TRPC6: variants seen among roughly 807,000 people sequenced by gnomAD.
The protein encoded by TRPC6 is transient receptor potential cation channel subfamily C member 6.
TRPC6 carries 55 observed loss-of-function variants against 90.7 expected under a neutral mutation model. The observed-to-expected ratio is 0.61, with a 90% CI of 0.49 to 0.76. TRPC6 has a LOEUF of 0.76. Among genes scored for constraint, TRPC6 ranks in the 30% least tolerant of loss-of-function variants. The pLI is 0.00. For missense variants in TRPC6, 989 were observed against 1,122.7 expected, an observed-to-expected ratio of 0.88 and a Z score of 1.70; for synonymous variants, 393 against 393.0, an observed-to-expected ratio of 1.00 and a Z score of 0.00.
chr11:101,500,887 A>T (rs1165737671), intron 2 of TRPC6, among the ~76,000 whole-genome samples: 2 of 152,194 alleles, frequency 1.3e-5, no homozygotes, highest in Non-Finnish European at 2.9e-5. Flanking sequence ...AAATCATTAC[A>T]GCATTTAGAG....
intron 1 of TRPC6, among the ~76,000 whole-genome samples, chr11:101,542,144 G>A (rs11224829): frequency 0.11 from 16,357 of 152,176 alleles, 1,640 homozygotes; most frequent in East Asian, 0.54. Context: ...TATTTATTGT[G>A]TCTTGATCTA....
At chr11:101,556,596 A>T (rs1266797835) in intron 1 of TRPC6, among the ~76,000 whole-genome samples, 4 of 152,198 alleles carry the variant, frequency 2.6e-5, no homozygotes, top group Non-Finnish European at 5.9e-5. Flanking sequence ...GAAAAGCCTG[A>T]TGGCTTCACA....
chr11:101,575,041 A>T (rs1862041931), intron 1 of TRPC6, among the ~76,000 whole-genome samples: 1 of 152,150 alleles, frequency 6.6e-6, no homozygotes, highest in African/African-American at 2.4e-5. Flanking sequence ...GACTATCCAC[A>T]CTGTAATTGA....
At chr11:101,530,466 G>T (rs1860885977) in intron 1 of TRPC6, among the ~76,000 whole-genome samples, 1 of 152,032 alleles carries the variant, frequency 6.6e-6, no homozygotes, top group Non-Finnish European at 1.5e-5. Flanking sequence ...ATGAGGCTGG[G>T]CTGTAGACCC....
chr11:101,541,439 G>A (rs1043032294), intron 1 of TRPC6, among the ~76,000 whole-genome samples: 2 of 152,156 alleles, frequency 1.3e-5, no homozygotes, highest in Non-Finnish European at 2.9e-5. Flanking sequence ...TCGGCTCACT[G>A]CAACCTCCAC....
chr11:101,559,761 T>G, intron 1 of TRPC6, among the ~76,000 whole-genome samples: 2 of 150,474 alleles, frequency 1.3e-5, no homozygotes, highest in Admixed American at 6.6e-5. Flanking sequence ...ATTAGGTATA[T>G]CTCCTAATGC....
At chr11:101,482,283 A>G (rs1335564474) in intron 5 of TRPC6, among the ~76,000 whole-genome samples, 1 of 152,142 alleles carries the variant, frequency 6.6e-6, no homozygotes, top group Non-Finnish European at 1.5e-5. Flanking sequence ...ATTTATTCAT[A>G]AATATCTAAT....
chr11:101,458,326 G>T (rs1316819877), intron 10 of TRPC6, among the ~76,000 whole-genome samples: 1 of 152,024 alleles, frequency 6.6e-6, no homozygotes, highest in Non-Finnish European at 1.5e-5. Context: ...AGTCCTTCAG[G>T]GAATGAAATA....
chr11:101,550,401 A>C (rs868678708), intron 1 of TRPC6, among the ~76,000 whole-genome samples: 7 of 151,812 alleles, frequency 4.6e-5, no homozygotes, highest in East Asian at 1.9e-4. Flanking sequence ...AACATAACTG[A>C]GAGAAATATA....
rs138155461 is a variant in TRPC6 at position 101,488,970 on chromosome 11, C to T, written c.1260G>A (p.Leu420=). 224 of 1,614,100 alleles carry T rather than the reference C, an allele frequency of 1.4e-4. No homozygotes were observed. In the African/African-American group the frequency reaches 2.8e-3, roughly 20 times the overall value. Reference sequence around the variant, plus strand: ...ATGGAGCAAACCAGTAAATGAGAGCCAGGAAGGGCAGTCCAATGGCAACAG... The same window carrying T: ...ATGGAGCAAACCAGTAAATGAGAGCTAGGAAGGGCAGTCCAATGGCAACAG... ...VLAVAIGLPF[L]ALIYWFAPCS... The change falls in exon 4 of 13, where the codon CTG becomes CTA. Residue 420 remains leucine (L), a synonymous_variant. Transcript: ENST00000344327.
At chr11:101,494,491 C>T (rs1420936205) in intron 2 of TRPC6, among the ~76,000 whole-genome samples, 2 of 152,124 alleles carry the variant, frequency 1.3e-5, no homozygotes, top group Non-Finnish European at 2.9e-5. Context: ...CATCTCTTGA[C>T]ATTAAAAAAA....
chr11:101,576,475 G>A (rs549915732), intron 1 of TRPC6, among the ~76,000 whole-genome samples: 19 of 152,250 alleles, frequency 1.2e-4, no homozygotes, highest in African/African-American at 4.6e-4. Context: ...GATTCTATAA[G>A]AACTGTGATT....
At chr11:101,482,826 T>A in intron 5 of TRPC6, 123 bp downstream of exon 5, 1 of 1,025,106 alleles carries the variant, frequency 9.8e-7, no homozygotes, top group South Asian at 1.3e-5. Flanking sequence ...AAGAAAATTA[T>A]GATGTGTGGT....
intron 4 of TRPC6, among the ~76,000 whole-genome samples, chr11:101,483,942 G>A (rs1316103644): frequency 6.6e-6 from 1 of 152,102 alleles, no homozygotes; most frequent in Non-Finnish European, 1.5e-5. Flanking sequence ...TCTTCACCTA[G>A]GCAGAGTGAG....
At chr11:101,461,433 G>A (rs958119776) in intron 10 of TRPC6, among the ~76,000 whole-genome samples, 17 of 152,180 alleles carry the variant, frequency 1.1e-4, no homozygotes, top group African/African-American at 3.1e-4. Flanking sequence ...TTAGCCAGGC[G>A]TGGTGGTGCT....
At chr11:101,521,675 C>T (rs1033958056) in intron 1 of TRPC6, among the ~76,000 whole-genome samples, 1 of 152,248 alleles carries the variant, frequency 6.6e-6, no homozygotes, top group African/African-American at 2.4e-5. Context: ...CACTCAACAC[C>T]AGCCCTTGAG....
intron 1 of TRPC6, among the ~76,000 whole-genome samples, chr11:101,532,719 G>T (rs1421515799): frequency 1.3e-5 from 2 of 152,112 alleles, no homozygotes; most frequent in African/African-American, 4.8e-5. Flanking sequence ...CTTTGAGGAG[G>T]AGAAAGAATT....
intron 1 of TRPC6, among the ~76,000 whole-genome samples, chr11:101,513,896 A>C (rs1385863164): frequency 1.3e-5 from 2 of 152,090 alleles, no homozygotes; most frequent in Non-Finnish European, 2.9e-5. Context: ...AATGGTGCTG[A>C]AGAAAGACTT....
At chr11:101,510,075 T>C (rs1159827800) in intron 1 of TRPC6, among the ~76,000 whole-genome samples, 1 of 152,160 alleles carries the variant, frequency 6.6e-6, no homozygotes, top group African/African-American at 2.4e-5. Context: ...TTGTATGTTG[T>C]TGACAGAACA....
Sources: allele counts gnomAD v4.1 joint callset (sites outside exome capture counted in the v4.1 genomes callset), GRCh38; gene constraint gnomAD v4.1.1; transcripts MANE v1.5; gene names NCBI Gene and HGNC (gene_info 2026-07-23, HGNC 2026-07-21).